TSPAN5: variants seen among roughly 807,000 people sequenced by gnomAD.
TSPAN5 encodes the protein tetraspanin 5, also known as tetraspanin-5.
In TSPAN5, 10 loss-of-function variants were observed where a neutral mutation model predicts 37.1. The observed-to-expected ratio is 0.27, with a 90% CI of 0.17 to 0.46. The LOEUF is 0.46. TSPAN5 is among the 20% of genes least tolerant of loss of function. TSPAN5 has a pLI of 1.00. For synonymous variants in TSPAN5, 110 were observed against 118.9 expected (o/e 0.93, Z 0.48); for missense variants, 195 against 326.6 (o/e 0.60, Z 3.11).
chr4:98,548,022 A>G (rs112310496), intron 1 of TSPAN5, among the ~76,000 whole-genome samples: 1 of 140,472 alleles, frequency 7.1e-6, no homozygotes, highest in African/African-American at 2.7e-5. Context: ...AAAAAAAAAA[A>G]AAAAAGAAAA....
chr4:98,628,465 T>C (rs957343262), intron 1 of TSPAN5, among the ~76,000 whole-genome samples: 1 of 152,178 alleles, frequency 6.6e-6, no homozygotes, highest in Non-Finnish European at 1.5e-5. Flanking sequence ...CTGCCTGGTA[T>C]TGGTTTAATT....
At chr4:98,476,903 C>T (rs954325714) in intron 5 of TSPAN5, among the ~76,000 whole-genome samples, 5 of 152,204 alleles carry the variant, frequency 3.3e-5, no homozygotes, top group Non-Finnish European at 5.9e-5. Flanking sequence ...TTTCAATGAG[C>T]TTTTAATAAT....
intron 1 of TSPAN5, among the ~76,000 whole-genome samples, chr4:98,520,126 G>A (rs1578962904): frequency 6.6e-6 from 1 of 152,296 alleles, no homozygotes; most frequent in South Asian, 2.1e-4. Flanking sequence ...GTATGGGGCA[G>A]TGTACAGAGG....
intron 1 of TSPAN5, among the ~76,000 whole-genome samples, chr4:98,587,893 C>T (rs1755531894): frequency 6.9e-6 from 1 of 144,674 alleles, no homozygotes; most frequent in African/African-American, 2.7e-5. Flanking sequence ...GTCTCAAAAA[C>T]AGCAACAACA....
intron 1 of TSPAN5, among the ~76,000 whole-genome samples, chr4:98,622,325 C>T (rs1286836290): frequency 1.3e-5 from 2 of 152,218 alleles, no homozygotes; most frequent in Admixed American, 1.3e-4. Context: ...GATCCACCCG[C>T]CTCAGATCCC....
Position 98,547,716 on chromosome 4 carries a change from G to A in TSPAN5, c.82-39988C>T, listed in dbSNP as rs139717909. Among the ~76,000 whole-genome samples, 3 of 152,190 alleles carry A rather than the reference G, an allele frequency of 2.0e-5. No individual in the cohort carries two copies. The East Asian group carries it at 5.8e-4, about 29-fold the overall frequency. On this transcript the variant is annotated intron_variant, in intron 1 of 7. Coordinates refer to ENST00000305798, the MANE Select transcript of TSPAN5 (RefSeq NM_005723.4). ...CTACACATCCTTACTCAGGAAAAAT[G>A]CACAAAGAAGCCAGGTGTGGTGGCT...
At chr4:98,648,272 T>C (rs1004491681) in intron 1 of TSPAN5, among the ~76,000 whole-genome samples, 5 of 152,096 alleles carry the variant, frequency 3.3e-5, no homozygotes, top group African/African-American at 7.2e-5. Context: ...AAACTGAGCA[T>C]AGTCAGGGCT....
At chr4:98,588,209 G>A (rs750680012) in intron 1 of TSPAN5, among the ~76,000 whole-genome samples, 9 of 152,098 alleles carry the variant, frequency 5.9e-5, no homozygotes, top group Non-Finnish European at 1.2e-4. Flanking sequence ...GGATGAAAGA[G>A]ATAAAATGAA....
intron 1 of TSPAN5, among the ~76,000 whole-genome samples, chr4:98,641,409 G>A (rs991624696): frequency 6.6e-6 from 1 of 152,126 alleles, no homozygotes; most frequent in African/African-American, 2.4e-5. Flanking sequence ...AATTTTATGT[G>A]CAAATTAATT....
chr4:98,576,056 G>A (rs116246502), intron 1 of TSPAN5, among the ~76,000 whole-genome samples: 11 of 152,110 alleles, frequency 7.2e-5, no homozygotes, highest in African/African-American at 1.9e-4. Flanking sequence ...TGGACAGAGC[G>A]AGACTCCATC....
At chr4:98,502,416 T>C (rs1753373309) in intron 2 of TSPAN5, among the ~76,000 whole-genome samples, 1 of 152,112 alleles carries the variant, frequency 6.6e-6, no homozygotes, top group Admixed American at 6.6e-5. Flanking sequence ...AGCAAACACA[T>C]GTGAGAAGGC....
chr4:98,628,762 A>G (rs751171463), intron 1 of TSPAN5, among the ~76,000 whole-genome samples: 14 of 152,326 alleles, frequency 9.2e-5, no homozygotes, highest in South Asian at 4.1e-4. Flanking sequence ...AACAACTAAA[A>G]CAAACAAACA....
At chr4:98,610,694 C>A (rs1414736563) in intron 1 of TSPAN5, among the ~76,000 whole-genome samples, 1 of 152,144 alleles carries the variant, frequency 6.6e-6, no homozygotes, top group East Asian at 1.9e-4. Flanking sequence ...TCATTTAGGG[C>A]TACAGTAGGA....
At chr4:98,639,117 T>G (rs1756913690) in intron 1 of TSPAN5, among the ~76,000 whole-genome samples, 2 of 152,184 alleles carry the variant, frequency 1.3e-5, no homozygotes, top group African/African-American at 4.8e-5. Flanking sequence ...AAGAGACCCA[T>G]GGAGAAGTGT....
At chr4:98,519,934 G>A (rs948413782) in intron 1 of TSPAN5, among the ~76,000 whole-genome samples, 17 of 152,142 alleles carry the variant, frequency 1.1e-4, no homozygotes, top group Admixed American at 4.6e-4. Flanking sequence ...TATCTCGTGG[G>A]GTCATTGGGA....
chr4:98,554,318 G>T (rs929329964), intron 1 of TSPAN5, among the ~76,000 whole-genome samples: 1 of 152,084 alleles, frequency 6.6e-6, no homozygotes, highest in African/African-American at 2.4e-5. Flanking sequence ...TTAAAAATAG[G>T]AAACTATTTG....
chr4:98,523,844 C>T (rs1320118124), intron 1 of TSPAN5, among the ~76,000 whole-genome samples: 1 of 152,206 alleles, frequency 6.6e-6, no homozygotes, highest in Admixed American at 6.5e-5. Flanking sequence ...TGAGCCTGAC[C>T]TCTGATGACA....
intron 1 of TSPAN5, among the ~76,000 whole-genome samples, chr4:98,607,142 CA>C (rs1429274897): frequency 6.6e-6 from 1 of 152,208 alleles, no homozygotes; most frequent in Non-Finnish European, 1.5e-5. Flanking sequence ...TGAAGGAAAG[CA>C]CCTGTCACCC....
chr4:98,656,289 C>A (rs1181985811), intron 1 of TSPAN5, among the ~76,000 whole-genome samples: 1 of 152,182 alleles, frequency 6.6e-6, no homozygotes, highest in African/African-American at 2.4e-5. Context: ...TATTTCCTTA[C>A]CACCCCCTGC....
Sources: gnomAD v4.1 joint callset for allele counts (sites outside exome capture counted in the v4.1 genomes callset) on GRCh38, gnomAD v4.1.1 for gene constraint, MANE v1.5 for transcripts, NCBI Gene and HGNC (gene_info 2026-07-23, HGNC 2026-07-21) for gene names.